PDLIM5: variants seen among roughly 807,000 people sequenced by gnomAD.
PDLIM5 encodes the protein PDZ and LIM domain protein 5.
PDLIM5 carries 34 observed loss-of-function variants against 64.2 expected under a neutral mutation model. The observed-to-expected ratio is 0.53, with a 90% confidence interval of 0.40 to 0.71. The LOEUF is 0.71. PDLIM5 is among the 30% of genes least tolerant of loss of function. The probability of loss-of-function intolerance (pLI) is 0.00; values close to 1 mark genes in which losing one functional copy is unlikely to be tolerated. For synonymous variants in PDLIM5, 253 were observed against 269.1 expected, an observed-to-expected ratio of 0.94 and a Z score of 0.59; for missense variants, 683 against 733.6, an observed-to-expected ratio of 0.93 and a Z score of 0.80.
intron 2 of PDLIM5, among the ~76,000 whole-genome samples, chr4:94,477,799 C>T (rs1159540855): frequency 2.0e-5 from 3 of 152,128 alleles, no homozygotes; most frequent in East Asian, 3.9e-4. Flanking sequence ...GCCTCTGCTA[C>T]CCCTGAGACA....
rs1015803405 is a variant in PDLIM5 at position 94,474,431 on chromosome 4, A to G, written c.96+19047A>G. 7.9e-5 allele frequency among the ~76,000 whole-genome samples: 12 copies of G among 151,668 alleles called. No individual in the cohort carries two copies. In the East Asian group the frequency reaches 2.4e-3, roughly 30 times the overall value. ...ACGCCTGACTAATTTTTGTATTTTT[A>G]GTAGAGACGGGGTTTCACCATATTG... On this transcript the variant is annotated intron_variant, in intron 2 of 12. Transcript: ENST00000317968.
intron 2 of PDLIM5, among the ~76,000 whole-genome samples, chr4:94,466,243 T>C (rs904406907): frequency 6.6e-6 from 1 of 152,196 alleles, no homozygotes; most frequent in East Asian, 1.9e-4. Flanking sequence ...GTTGGTATTA[T>C]AGGCCTGAGC....
chr4:94,620,823 T>C lies in PDLIM5; in HGVS notation c.1108+2632T>C, dbSNP rs190468759. Among the ~76,000 whole-genome samples the C allele has an allele frequency of 3.3e-3, 496 of 151,960 alleles. 2 individuals carry two copies. The highest frequency in any genetic ancestry group is 0.012 in the African/African-American group (478 of 41,508). On this transcript the variant is annotated intron_variant, in intron 8 of 12. Coordinates refer to ENST00000317968, the MANE Select transcript of PDLIM5 (RefSeq NM_006457.5). ...CTATAATCCCAGCACTTTGGGAGGC[T>C]GAGGCGGGCGGATCACGAGGTCAGG...
chr4:94,586,923 T>G (rs1380757558), intron 7 of PDLIM5: 31 of 1,339,458 alleles, frequency 2.3e-5, no homozygotes, highest in Non-Finnish European at 3.1e-5. Context: ...TCTAGAACCT[T>G]TTTCCTTCTA....
intron 3 of PDLIM5, among the ~76,000 whole-genome samples, chr4:94,548,901 A>G (rs1421197378): frequency 1.3e-5 from 2 of 151,888 alleles, no homozygotes; most frequent in Non-Finnish European, 1.5e-5. Context: ...CTGACTCACA[A>G]GTGTTTTGCC....
intron 8 of PDLIM5, among the ~76,000 whole-genome samples, chr4:94,619,859 G>A (rs986132927): frequency 2.6e-5 from 4 of 152,030 alleles, no homozygotes; most frequent in African/African-American, 9.7e-5. Flanking sequence ...CTGAGCTTAA[G>A]CGATCCTCCC....
chr4:94,612,628 C>T (rs1738469922), intron 7 of PDLIM5, among the ~76,000 whole-genome samples: 1 of 152,142 alleles, frequency 6.6e-6, no homozygotes. Flanking sequence ...TAGTCATCAC[C>T]ATTGCTTCTT....
At chr4:94,631,785 G>A (rs1172817180) in intron 8 of PDLIM5, among the ~76,000 whole-genome samples, 9 of 152,140 alleles carry the variant, frequency 5.9e-5, no homozygotes, top group Admixed American at 4.6e-4. Context: ...TACTCTTCTG[G>A]TTTTTCTCCT....
intron 5 of PDLIM5, chr4:94,584,806 T>G: frequency 1.9e-6 from 1 of 528,066 alleles, no homozygotes; most frequent in Non-Finnish European, 3.4e-6. Context: ...GTTGTGAATA[T>G]TGTCCGCATC....
At chr4:94,639,360 C>T (rs551462279) in intron 8 of PDLIM5, among the ~76,000 whole-genome samples, 1 of 152,206 alleles carries the variant, frequency 6.6e-6, no homozygotes, top group African/African-American at 2.4e-5. Context: ...GGTCAGATTT[C>T]AGTCTTAGGT....
intron 9 of PDLIM5, among the ~76,000 whole-genome samples, chr4:94,653,527 C>A (rs1741993930): frequency 6.7e-6 from 1 of 149,780 alleles, no homozygotes; most frequent in African/African-American, 2.4e-5. Flanking sequence ...CAGTTCATGA[C>A]CATAAAGTAT....
intron 7 of PDLIM5, among the ~76,000 whole-genome samples, chr4:94,606,561 G>A (rs1032884488): frequency 5.3e-5 from 8 of 152,194 alleles, no homozygotes; most frequent in African/African-American, 1.9e-4. Context: ...AAAGAGAGTG[G>A]ACAAGCTTCA....
chr4:94,474,105 T>C (rs1291049112), intron 2 of PDLIM5, among the ~76,000 whole-genome samples: 1 of 152,246 alleles, frequency 6.6e-6, no homozygotes, highest in Non-Finnish European at 1.5e-5. Flanking sequence ...CATATTAGCA[T>C]GTTGAATGTT....
At chr4:94,491,702 A>G (rs1398059896) in intron 2 of PDLIM5, among the ~76,000 whole-genome samples, 2 of 152,112 alleles carry the variant, frequency 1.3e-5, no homozygotes, top group Admixed American at 1.3e-4. Context: ...AGGAAGGAAT[A>G]TCATTTTTAT....
At chr4:94,646,536 TA>T (rs1193508683) in intron 9 of PDLIM5, among the ~76,000 whole-genome samples, 1 of 152,150 alleles carries the variant, frequency 6.6e-6, no homozygotes, top group Non-Finnish European at 1.5e-5. Flanking sequence ...TATAGTCTAA[TA>T]AAAAATACAG....
chr4:94,603,725 T>G (rs1319093377), intron 7 of PDLIM5, among the ~76,000 whole-genome samples: 1 of 152,182 alleles, frequency 6.6e-6, no homozygotes, highest in Non-Finnish European at 1.5e-5. Flanking sequence ...ACTTTTTTCC[T>G]TGGTATATTC....
intron 2 of PDLIM5, among the ~76,000 whole-genome samples, chr4:94,513,306 A>T (rs572188286): frequency 3.3e-5 from 5 of 152,298 alleles, no homozygotes; most frequent in African/African-American, 1.2e-4. Context: ...CATTGAATTT[A>T]TAGATTGCTT....
chr4:94,625,475 CAG>C (rs1275618157), intron 8 of PDLIM5, among the ~76,000 whole-genome samples: 1 of 147,318 alleles, frequency 6.8e-6, no homozygotes, highest in African/African-American at 2.5e-5. Context: ...TTTTTTGAGA[CAG>C]AGTCTCTCTG....
Position 94,668,204 on chromosome 4 carries a change from A to C in PDLIM5, c.*4137A>C, listed in dbSNP as rs183448943. 3.1e-4 allele frequency: 47 copies of C among 152,288 alleles called. No individual in the cohort carries two copies. Among genetic ancestry groups the C allele is most frequent in the Admixed American group, 1.4e-3 (22 of 15,292 alleles). 9.4% of individuals were successfully genotyped at this position (152,288 alleles called of 1,614,324 possible). A position where few individuals can be genotyped will look rare whatever the true frequency, so the allele number is the denominator to read the frequency against. ...ATAATGTGCACATACTCAATAAATA[A>C]ATGACTGCATTGTTGTAAATGAGCT... On this transcript the variant is annotated 3_prime_UTR_variant, in exon 13 of 13. Coordinates refer to ENST00000317968, the MANE Select transcript of PDLIM5 (RefSeq NM_006457.5).
Sources: allele counts gnomAD v4.1 joint callset (sites outside exome capture counted in the v4.1 genomes callset), GRCh38; gene constraint gnomAD v4.1.1; transcripts MANE v1.5; gene names NCBI Gene and HGNC (gene_info 2026-07-23, HGNC 2026-07-21).